Variants in RAP1GAP2 observed in about 807,000 individuals in gnomAD.
The protein encoded by RAP1GAP2 is RAP1 GTPase activating protein 2, also known as rap1 GTPase-activating protein 2.
In RAP1GAP2, 27 loss-of-function variants were observed where a neutral mutation model predicts 95.0. The ratio of observed to expected loss-of-function variants is 0.28; its 90% confidence interval spans 0.21 to 0.39. The LOEUF (loss-of-function observed/expected upper bound fraction) is 0.39, where lower values mean the gene tolerates loss of function less well. Ranked by LOEUF, RAP1GAP2 falls within the 10% of genes least tolerant of loss-of-function variation. RAP1GAP2 has a pLI of 1.00. For synonymous variants in RAP1GAP2, 373 were observed against 380.9 expected, an observed-to-expected ratio of 0.98 and a Z score of 0.24; for missense variants, 771 against 970.0, an observed-to-expected ratio of 0.79 and a Z score of 2.72.
chr17:3,018,076 C>G lies in RAP1GAP2; in HGVS notation c.1510C>G (p.Arg504Gly). 8 of 1,589,862 alleles carry G rather than the reference C, an allele frequency of 5.0e-6. No individual in the cohort carries two copies. Among genetic ancestry groups the G allele is most frequent in the Non-Finnish European group, 6.8e-6 (8 of 1,168,760 alleles). Residue 504 changes from arginine (R) to glycine (G), a missense_variant, in exon 18 of 25, where the codon CGC becomes GGC. Physicochemically the swap from Arg to Gly is moderately radical, Grantham distance 125. Coordinates refer to ENST00000254695, the MANE Select transcript of RAP1GAP2 (RefSeq NM_015085.5). ...CTCCCCGTAGAGGGCCATCCGCGTA[C>G]GCAGCCACTCCATGGAGACCATGGT... is the stretch of plus-strand genomic sequence containing the variant. ...LESFKRAIRV[R>G]SHSMETMVGG... is the part of the protein sequence containing the mutation.
intron 3 of RAP1GAP2, among the ~76,000 whole-genome samples, chr17:2,929,987 C>T (rs1176525161): frequency 2.0e-5 from 3 of 152,358 alleles, no homozygotes; most frequent in South Asian, 2.1e-4. Context: ...CCTGCTCACC[C>T]TTCCCTCTGA....
Position 2,871,689 on chromosome 17 carries a change from T to C in RAP1GAP2, c.81-33595T>C, listed in dbSNP as rs1173400300. 6.6e-6 allele frequency among the ~76,000 whole-genome samples: 1 copy of C among 152,200 alleles called. No homozygotes were observed. Among genetic ancestry groups the C allele is most frequent in the African/African-American group, 2.4e-5 (1 of 41,460 alleles). ...TTGGGGTTCAATTGGTACCATCCCATGGGCAGTACAGTTTGGCAGTAGCTG... is the reference window on the plus strand; with the variant it reads ...TTGGGGTTCAATTGGTACCATCCCACGGGCAGTACAGTTTGGCAGTAGCTG... On this transcript the variant is annotated intron_variant, in intron 2 of 24. Transcript: ENST00000254695. The surrounding 1 kb of genome is among the most constrained non-coding windows in gnomAD (Gnocchi z 5.0).
upstream of RAP1GAP2, among the ~76,000 whole-genome samples, chr17:2,794,335 T>A (rs1216906583): frequency 6.6e-6 from 1 of 152,072 alleles, no homozygotes; most frequent in Admixed American, 6.6e-5. Flanking sequence ...TGGAGGTGGA[T>A]TGAGTGCAGA....
intron 3 of RAP1GAP2, among the ~76,000 whole-genome samples, chr17:2,944,130 A>C (rs947466656): frequency 6.7e-6 from 1 of 149,278 alleles, no homozygotes; most frequent in Non-Finnish European, 1.5e-5. Context: ...GCCTGGCGAC[A>C]GAGCGAGACT....
At chr17:2,815,908 C>T (rs1036521649) in intron 2 of RAP1GAP2, among the ~76,000 whole-genome samples, 2 of 152,250 alleles carry the variant, frequency 1.3e-5, no homozygotes, top group African/African-American at 2.4e-5. Flanking sequence ...ACCCAGGCCT[C>T]CCTGCTGAGG....
rs1435729817 is a variant in RAP1GAP2, at chr17:3,030,985, C to T, written c.2171C>T (p.Ala724Val). Residue 724 changes from alanine (A) to valine (V), a missense_variant, in exon 23 of 25, where the codon GCC becomes GTC. Physicochemically the swap from Ala to Val is moderately conservative, Grantham distance 64. Transcript: ENST00000254695. The stretch of plus-strand genomic sequence containing the variant: ...TTCCGCTTTGACAAGCTCAGCCATG[C>T]CAGCTCTGGTGCGGTAAGGATGCGC... ...LKFRFDKLSHASSGAGH is the reference protein window; with the variant it reads ...LKFRFDKLSHVSSGAGH 1.9e-6 allele frequency: 3 copies of T among 1,607,544 alleles called. No individual in the cohort carries two copies. Among genetic ancestry groups the T allele is most frequent in the Non-Finnish European group, 2.5e-6 (3 of 1,176,972 alleles).
At position 2,902,633 on chromosome 17, in the gene RAP1GAP2, T is replaced by C. The variant is rs1384107568; in HGVS notation, c.81-2651T>C. On this transcript the variant is annotated intron_variant, in intron 2 of 24. Coordinates refer to ENST00000254695, the MANE Select transcript of RAP1GAP2 (RefSeq NM_015085.5). The surrounding 1 kb of genome is among the most constrained non-coding windows in gnomAD (Gnocchi z 4.1). ...TGAGGCTGGTCACCACTGGTGCTCATGTCTGCTCTAGCGCCTTCCAAGCTC... is the reference window on the plus strand; with the variant it reads ...TGAGGCTGGTCACCACTGGTGCTCACGTCTGCTCTAGCGCCTTCCAAGCTC... Among the ~76,000 whole-genome samples, 2 of 152,190 alleles carry C rather than the reference T, an allele frequency of 1.3e-5. No homozygotes were observed. The highest frequency in any genetic ancestry group is 2.9e-5 in the Non-Finnish European group (2 of 68,028).
At chr17:2,803,259 A>G (rs913533827) in intron 2 of RAP1GAP2, among the ~76,000 whole-genome samples, 3 of 152,204 alleles carry the variant, frequency 2.0e-5, no homozygotes, top group Non-Finnish European at 2.9e-5. Flanking sequence ...TATTGGGATG[A>G]TAGCTTGGGA....
At chr17:2,832,276 C>T (rs554079894) in intron 2 of RAP1GAP2, among the ~76,000 whole-genome samples, 6 of 147,158 alleles carry the variant, frequency 4.1e-5, no homozygotes, top group African/African-American at 1.0e-4. Context: ...GATAAAGTCT[C>T]GGCCGGGCGC....
rs71362319 is a variant in RAP1GAP2 at position 2,816,423 on chromosome 17, C to T, written c.80+15873C>T. ...CGCGATCTTGGCTCACTGCAACCTC[C>T]GCCTTTCGGGTTCAAGCGATTCTCC... On this transcript the variant is annotated intron_variant, in intron 2 of 24. Transcript: ENST00000254695. 3.9e-5 allele frequency among the ~76,000 whole-genome samples: 6 copies of T among 151,930 alleles called. 1 individual carries two copies. The highest frequency in any genetic ancestry group is 2.0e-4 in the Admixed American group (3 of 15,238).
intron 8 of RAP1GAP2, among the ~76,000 whole-genome samples, chr17:2,967,153 G>A (rs531274859): frequency 6.6e-6 from 1 of 152,218 alleles, no homozygotes; most frequent in South Asian, 2.1e-4. Flanking sequence ...TGGATCACGA[G>A]GTCAGGAGAT....
chr17:3,032,130 T>C (rs543443674), intron 23 of RAP1GAP2, among the ~76,000 whole-genome samples: 1 of 139,750 alleles, frequency 7.2e-6, no homozygotes, highest in African/African-American at 2.7e-5. Flanking sequence ...GGCTGGTTCC[T>C]GGGTCCCGAA....
intron 11 of RAP1GAP2, among the ~76,000 whole-genome samples, chr17:2,988,490 G>T (rs992882606): frequency 3.3e-5 from 5 of 152,190 alleles, no homozygotes; most frequent in African/African-American, 1.2e-4. Context: ...ATAACCACTT[G>T]AGATTGGCTT....
intron 2 of RAP1GAP2, among the ~76,000 whole-genome samples, chr17:2,846,058 C>T (rs991825813): frequency 6.6e-6 from 1 of 151,852 alleles, no homozygotes; most frequent in East Asian, 2.0e-4. Context: ...TATTGGGAGC[C>T]TGTAATCCCA....
At chr17:2,964,937 T>A (rs1483575341) in intron 7 of RAP1GAP2, 1 of 152,692 alleles carries the variant, frequency 6.5e-6, no homozygotes, top group Non-Finnish European at 1.5e-5. Context: ...CCCTGGGTCT[T>A]GTTAGCATGC....
intron 2 of RAP1GAP2, among the ~76,000 whole-genome samples, chr17:2,879,056 G>T (rs1024685119): frequency 1.3e-5 from 2 of 151,836 alleles, no homozygotes; most frequent in East Asian, 3.9e-4. Flanking sequence ...CACTGGCCTT[G>T]CCTCCTCCTT....
Position 2,800,172 on chromosome 17 carries a change from A to G in RAP1GAP2, c.45-343A>G, listed in dbSNP as rs947697752. ...GTTCTCTTGCGAGGGTAGCCGTAATAAAGGGAGAGGCTGCATACAAAGTGC... is the reference window on the plus strand; with the variant it reads ...GTTCTCTTGCGAGGGTAGCCGTAATGAAGGGAGAGGCTGCATACAAAGTGC... On this transcript the variant is annotated intron_variant, in intron 1 of 24. Transcript: ENST00000254695. 6 of 985,272 alleles carry G rather than the reference A, an allele frequency of 6.1e-6. No individual in the cohort carries two copies. In the African/African-American group the frequency reaches 1.0e-4, roughly 17 times the overall value. 61.0% of individuals were successfully genotyped at this position (985,272 alleles called of 1,614,324 possible).
chr17:2,775,282 C>T (rs1027246382), upstream of RAP1GAP2, among the ~76,000 whole-genome samples: 3 of 152,024 alleles, frequency 2.0e-5, no homozygotes, highest in Admixed American at 6.6e-5. Context: ...AACATGTAAA[C>T]GCAGAGACAA....
chr17:3,005,867 C>T lies in RAP1GAP2; in HGVS notation c.1273-88C>T, dbSNP rs1369973837. ...ACTTTTCAGGGGTTCTCCCCATGGC[C>T]CCGGCTCTGCCTGCCTGTCACTGTG... is the stretch of plus-strand genomic sequence containing the variant. On this transcript the variant is annotated intron_variant, in intron 15 of 24. Coordinates refer to ENST00000254695, the MANE Select transcript of RAP1GAP2 (RefSeq NM_015085.5). This position sits in a 1 kb window ranked among gnomAD's most constrained non-coding sequence, Gnocchi z 5.2. 1.6e-6 allele frequency: 2 copies of T among 1,277,936 alleles called. No homozygotes were observed. Among genetic ancestry groups the T allele is most frequent in the Non-Finnish European group, 2.3e-6 (2 of 874,266 alleles). The allele number at this position is 1,277,936 out of a possible 1,614,324, so 79.2% of individuals were successfully genotyped here.
Sources: gnomAD v4.1 joint callset for allele counts (sites outside exome capture counted in the v4.1 genomes callset) on GRCh38, gnomAD v4.1.1 for gene constraint, Gnocchi (gnomAD v3.1) non-coding constraint, MANE v1.5 for transcripts, NCBI Gene and HGNC (gene_info 2026-07-23, HGNC 2026-07-21) for gene names.